The following STARD13 variants were observed in gnomAD, a reference collection of about 807,000 sequenced individuals.
The protein encoded by STARD13 is StAR related lipid transfer domain containing 13, also known as stAR-related lipid transfer protein 13.
In STARD13, 62 loss-of-function variants were observed where a neutral mutation model predicts 106.4. The observed-to-expected ratio is 0.58, with a 90% CI of 0.48 to 0.72. The LOEUF (loss-of-function observed/expected upper bound fraction) is 0.72, where lower values mean the gene tolerates loss of function less well. Ranked by LOEUF, STARD13 falls within the 30% of genes least tolerant of loss-of-function variation. The probability of loss-of-function intolerance (pLI) is 0.00; values close to 1 mark genes in which losing one functional copy is unlikely to be tolerated. For missense variants in STARD13, 1,387 were observed against 1,424.0 expected, an observed-to-expected ratio of 0.97 and a Z score of 0.42; for synonymous variants, 565 against 553.0, an observed-to-expected ratio of 1.02 and a Z score of -0.31.
the STARD13 span, among the ~76,000 whole-genome samples, chr13:33,403,800 A>G: frequency 6.6e-5 from 10 of 152,264 alleles, no homozygotes; most frequent in African/African-American, 2.4e-4. Flanking sequence ...CCCTCCCAAA[A>G]CTCATGAACA....
At chr13:33,440,582 T>A in the STARD13 span, among the ~76,000 whole-genome samples, 1 of 151,798 alleles carries the variant, frequency 6.6e-6, no homozygotes. Context: ...GTGCCCTTCT[T>A]ATATGCTGAT....
the STARD13 span, among the ~76,000 whole-genome samples, chr13:33,668,752 G>C: frequency 1.3e-5 from 2 of 152,184 alleles, no homozygotes; most frequent in Non-Finnish European, 2.9e-5. Flanking sequence ...TTTTGTTACA[G>C]GGATGGTTGG....
intron 1 of STARD13, among the ~76,000 whole-genome samples, chr13:33,189,523 T>C (rs1886087718): frequency 6.6e-6 from 1 of 151,270 alleles, no homozygotes; most frequent in Admixed American, 6.6e-5. Flanking sequence ...GTCCTTCCGA[T>C]GGCACTTTCA....
intron 1 of STARD13, among the ~76,000 whole-genome samples, chr13:33,316,423 T>G (rs1893340501): frequency 6.6e-6 from 1 of 152,234 alleles, no homozygotes; most frequent in South Asian, 2.1e-4. Context: ...TAAATAAATT[T>G]AGTAATATAA....
At chr13:33,404,022 C>T in the STARD13 span, among the ~76,000 whole-genome samples, 41 of 152,296 alleles carry the variant, frequency 2.7e-4, no homozygotes, top group Middle Eastern at 3.4e-3. Flanking sequence ...TTGAGTCATA[C>T]GCAACCTTTC....
chr13:33,438,949 G>T, the STARD13 span, among the ~76,000 whole-genome samples: 1 of 152,200 alleles, frequency 6.6e-6, no homozygotes, highest in Non-Finnish European at 1.5e-5. Flanking sequence ...TAAACTCAGA[G>T]AAAAGTGTTA....
rs534034614 is a variant in STARD13, at chr13:33,335,686, A to G, written c.124+14604T>C. ...CCATACGCACAGCAAGCAACCAACG[A>G]GGTGTGTGGAGGCTGAAATTCAGCC... On this transcript the variant is annotated intron_variant, in intron 1 of 5. Transcript: ENST00000567873. Among the ~76,000 whole-genome samples the G allele has an allele frequency of 7.9e-5, 12 of 152,344 alleles. No homozygotes were observed. In the East Asian group the frequency reaches 2.1e-3, roughly 27 times the overall value.
the STARD13 span, among the ~76,000 whole-genome samples, chr13:33,605,706 A>C: frequency 2.0e-5 from 3 of 152,176 alleles, no homozygotes; most frequent in African/African-American, 7.2e-5. Context: ...TACTGTGCAT[A>C]ATATTTTCAT....
the STARD13 span, among the ~76,000 whole-genome samples, chr13:33,539,865 T>A: frequency 6.6e-6 from 1 of 152,196 alleles, no homozygotes; most frequent in African/African-American, 2.4e-5. Flanking sequence ...AAAGACACTT[T>A]TAAGAAAATG....
chr13:33,578,545 A>T, the STARD13 span, among the ~76,000 whole-genome samples: 1 of 152,088 alleles, frequency 6.6e-6, no homozygotes, highest in Non-Finnish European at 1.5e-5. Flanking sequence ...ACCATAAAAA[A>T]TTCTGTAAGA....
At chr13:33,213,952 A>G (rs1292557388) in intron 1 of STARD13, among the ~76,000 whole-genome samples, 3 of 152,226 alleles carry the variant, frequency 2.0e-5, no homozygotes, top group Non-Finnish European at 4.4e-5. Context: ...ACAAAGCCCC[A>G]GGTCACGTGG....
At chr13:33,265,488 T>C (rs967843407) in intron 1 of STARD13, among the ~76,000 whole-genome samples, 2 of 152,332 alleles carry the variant, frequency 1.3e-5, no homozygotes, top group African/African-American at 4.8e-5. Context: ...TCAGACAACT[T>C]GTACCAATTT....
At chr13:33,525,225 G>A in the STARD13 span, among the ~76,000 whole-genome samples, 3 of 152,002 alleles carry the variant, frequency 2.0e-5, no homozygotes, top group South Asian at 2.1e-4. Context: ...GTCTCGCTAC[G>A]TTGACCAGGC....
chr13:33,391,543 A>G, the STARD13 span, among the ~76,000 whole-genome samples: 1 of 152,190 alleles, frequency 6.6e-6, no homozygotes, highest in South Asian at 2.1e-4. Flanking sequence ...TTTCTTAAGA[A>G]TCTTAATACA....
At chr13:33,564,545 A>T in the STARD13 span, among the ~76,000 whole-genome samples, 1 of 144,920 alleles carries the variant, frequency 6.9e-6, no homozygotes, top group Non-Finnish European at 1.5e-5. Context: ...TGTAGCCAAA[A>T]GAAAAATCAA....
chr13:33,393,846 T>A, the STARD13 span, among the ~76,000 whole-genome samples: 837 of 152,340 alleles, frequency 5.5e-3, 7 homozygotes, highest in African/African-American at 0.018. Flanking sequence ...ATTACCTTCC[T>A]TATTATAATG....
At chr13:33,642,355 T>C in the STARD13 span, among the ~76,000 whole-genome samples, 2 of 152,214 alleles carry the variant, frequency 1.3e-5, no homozygotes, top group South Asian at 4.1e-4. Context: ...AGAAAGATGC[T>C]TGAGAAGTTT....
At chr13:33,673,511 T>C in the STARD13 span, among the ~76,000 whole-genome samples, 2 of 152,072 alleles carry the variant, frequency 1.3e-5, no homozygotes, top group Admixed American at 6.6e-5. Context: ...ATTAGTTTTT[T>C]TTCTTGTCTA....
At chr13:33,670,744 C>G in the STARD13 span, among the ~76,000 whole-genome samples, 2 of 152,178 alleles carry the variant, frequency 1.3e-5, no homozygotes, top group Non-Finnish European at 2.9e-5. Context: ...GACATCCCCT[C>G]CCCCGAGTTG....
Sources: allele counts gnomAD v4.1 joint callset (sites outside exome capture counted in the v4.1 genomes callset), GRCh38; gene constraint gnomAD v4.1.1; transcripts MANE v1.5; gene names NCBI Gene and HGNC (gene_info 2026-07-23, HGNC 2026-07-21).